Variants in ZFYVE27 observed in about 807,000 individuals in gnomAD.
ZFYVE27 encodes protrudin.
Under a neutral mutation model 52.8 loss-of-function variants are expected in ZFYVE27, and 36 were observed. The observed-to-expected ratio is 0.68, with a 90% CI of 0.52 to 0.90. ZFYVE27 has a LOEUF of 0.90. ZFYVE27 is among the 40% of genes least tolerant of loss of function. ZFYVE27 has a pLI of 0.00. For synonymous variants in ZFYVE27, 223 were observed against 215.6 expected, an observed-to-expected ratio of 1.03 and a Z score of -0.30; for missense variants, 450 against 527.2, an observed-to-expected ratio of 0.85 and a Z score of 1.43.
In ZFYVE27 at chr10:97,760,030, C is replaced by T. The variant is rs891192197; in HGVS notation, c.*730C>T. 3 of 154,166 alleles carry T rather than the reference C, an allele frequency of 1.9e-5. No individual in the cohort carries two copies. The highest frequency in any genetic ancestry group is 4.3e-5 in the Non-Finnish European group (3 of 69,366). 9.5% of individuals were successfully genotyped at this position (154,166 alleles called of 1,614,324 possible). A position where few individuals can be genotyped will look rare whatever the true frequency, so the allele number is the denominator to read the frequency against. ...TCGAAGACACCTCAATTCACAGACTCTCAGCCCACACAATGCCCCAGTGTC... is the reference window on the plus strand; with the variant it reads ...TCGAAGACACCTCAATTCACAGACTTTCAGCCCACACAATGCCCCAGTGTC... On this transcript the variant is annotated 3_prime_UTR_variant, in exon 13 of 13. Transcript: ENST00000684270.
intron 12 of ZFYVE27, among the ~76,000 whole-genome samples, chr10:97,758,346 G>A (rs989989323): frequency 4.9e-5 from 7 of 144,112 alleles, no homozygotes; most frequent in African/African-American, 1.8e-4. Flanking sequence ...TTTTTGAGAC[G>A]GAGTTTCACT....
chr10:97,746,151 C>T (rs1456030178), intron 4 of ZFYVE27, among the ~76,000 whole-genome samples: 15 of 150,304 alleles, frequency 1.0e-4, no homozygotes, highest in Middle Eastern at 6.9e-3. Flanking sequence ...TGTGTTCAGG[C>T]GATTCTCGTG....
chr10:97,747,447 A>G (rs1202932073), intron 4 of ZFYVE27, among the ~76,000 whole-genome samples: 4 of 152,216 alleles, frequency 2.6e-5, no homozygotes, highest in Non-Finnish European at 5.9e-5. Context: ...GTTTATTACT[A>G]TGATGGTTGC....
rs150264414 is a variant in ZFYVE27 at position 97,749,415 on chromosome 10, A to C, written c.552-59A>C. On this transcript the variant is annotated intron_variant, in intron 5 of 12. Coordinates refer to ENST00000684270, the MANE Select transcript of ZFYVE27 (RefSeq NM_001385875.1). Reference sequence around the variant, plus strand: ...TGGACCCTGCTGTGGGTGTGCTCCAAACCCGTCTCCTTCTGCTGTTACGAA... The same window carrying C: ...TGGACCCTGCTGTGGGTGTGCTCCACACCCGTCTCCTTCTGCTGTTACGAA... 7.6e-4 allele frequency: 1,040 copies of C among 1,359,716 alleles called. 4 individuals are homozygous for C. The African/African-American group carries it at 0.013, about 17-fold the overall frequency. 84.2% of individuals were successfully genotyped at this position (1,359,716 alleles called of 1,614,324 possible).
In ZFYVE27 at chr10:97,744,728, G is replaced by A. The variant is rs1285777076; in HGVS notation, c.269-1G>A. The A allele has an allele frequency of 6.2e-7, 1 of 1,613,340 alleles. No individual in the cohort carries two copies. The highest frequency in any genetic ancestry group is 1.3e-5 in the African/African-American group (1 of 74,936). The stretch of plus-strand genomic sequence containing the variant: ...TACCTGCAGTGTTTTTGATTCTGCA[G>A]GTGCATGGTACTCAGTAGGTGCCCT... On this transcript the variant is annotated splice_acceptor_variant, in intron 3 of 12. Transcript: ENST00000684270. LOFTEE classifies it high-confidence loss of function.
intron 2 of ZFYVE27, among the ~76,000 whole-genome samples, chr10:97,739,947 A>C (rs2043180432): frequency 6.7e-6 from 1 of 150,304 alleles, no homozygotes; most frequent in African/African-American, 2.5e-5. Context: ...ATCAGGAGTC[A>C]CACAAAAACC....
At chr10:97,743,066 G>A (rs80117547) in intron 2 of ZFYVE27, 28 bp from the exon 3 acceptor site, 1 of 1,613,254 alleles carries the variant, frequency 6.2e-7, no homozygotes, top group Non-Finnish European at 8.5e-7. Flanking sequence ...GTGACTCTCT[G>A]TAGTGATCAG....
chr10:97,751,071 A>G (rs913346788), intron 7 of ZFYVE27, among the ~76,000 whole-genome samples: 5 of 152,138 alleles, frequency 3.3e-5, no homozygotes, highest in African/African-American at 1.2e-4. Flanking sequence ...GATCATTCTC[A>G]TTTGTGGAAG....
chr10:97,750,449 G>A lies in ZFYVE27; in HGVS notation c.783G>A (p.Thr261=), dbSNP rs762621225. 28 of 1,613,986 alleles carry A rather than the reference G, an allele frequency of 1.7e-5. No homozygotes were observed. Among genetic ancestry groups the A allele is most frequent in the Middle Eastern group, 1.6e-4 (1 of 6,084 alleles). Residue 261 remains threonine (T), a synonymous_variant, in exon 7 of 13, where the codon ACG becomes ACA. Transcript: ENST00000684270. ...VGGKDGLMDS[T]PALTPTEDLT... Reference sequence around the variant, plus strand: ...GGAAGGATGGTCTGATGGACAGCACGCCTGCCCTCACACCCACGGAGGTAA... The same window carrying A: ...GGAAGGATGGTCTGATGGACAGCACACCTGCCCTCACACCCACGGAGGTAA...
intron 3 of ZFYVE27, among the ~76,000 whole-genome samples, chr10:97,744,379 C>T (rs1332994333): frequency 6.6e-6 from 1 of 152,240 alleles, no homozygotes; most frequent in African/African-American, 2.4e-5. Flanking sequence ...GGCAGTCACA[C>T]TCCAGCGTGA....
intron 5 of ZFYVE27, among the ~76,000 whole-genome samples, chr10:97,748,979 T>A (rs2046214833): frequency 6.6e-6 from 1 of 152,168 alleles, no homozygotes; most frequent in African/African-American, 2.4e-5. Context: ...TTAATATGAA[T>A]AATAGTGATA....
At chr10:97,738,927 C>T in intron 2 of ZFYVE27, 1 of 517,524 alleles carries the variant, frequency 1.9e-6, no homozygotes, top group Non-Finnish European at 3.5e-6. Flanking sequence ...TAAGCTCCTT[C>T]CTCTGGACTG....
chr10:97,751,291 T>G, intron 7 of ZFYVE27, 100 bp from the exon 8 acceptor site: 1 of 1,296,228 alleles, frequency 7.7e-7, no homozygotes, highest in Non-Finnish European at 1.1e-6. Flanking sequence ...CATTTCGTGG[T>G]GTTTTGGGTA....
chr10:97,758,328 T>TTG (rs2048923057), intron 12 of ZFYVE27, among the ~76,000 whole-genome samples: 1 of 151,266 alleles, frequency 6.6e-6, no homozygotes, highest in South Asian at 2.1e-4. Flanking sequence ...CAAGTTTTTT[T>TTG]TTTTTTTTTT....
Position 97,760,345 on chromosome 10 carries a change from A to C in ZFYVE27, c.*1045A>C, listed in dbSNP as rs139340617. The C allele has an allele frequency of 4.6e-5, 7 of 152,098 alleles. No homozygotes were observed. The highest frequency in any genetic ancestry group is 6.5e-5 in the Admixed American group (1 of 15,296). 9.4% of individuals were successfully genotyped at this position (152,098 alleles called of 1,614,324 possible). On this transcript the variant is annotated 3_prime_UTR_variant, in exon 13 of 13. Coordinates refer to ENST00000684270, the MANE Select transcript of ZFYVE27 (RefSeq NM_001385875.1). ...CCCTGGGGGTCTCCATTTCTTTCCA[A>C]CAGTTTCATGTTCACTACTGGACTC...
At chr10:97,748,070 A>C (rs368039596) in intron 4 of ZFYVE27, among the ~76,000 whole-genome samples, 199 bp from the exon 5 acceptor site, 1 of 152,186 alleles carries the variant, frequency 6.6e-6, no homozygotes, top group Admixed American at 6.5e-5. Flanking sequence ...AAGAGGCTCC[A>C]AAAAGGGGAC....
intron 12 of ZFYVE27, among the ~76,000 whole-genome samples, chr10:97,758,630 T>G (rs1590119985): frequency 6.6e-6 from 1 of 152,146 alleles, no homozygotes; most frequent in South Asian, 2.1e-4. Flanking sequence ...CCCAAGTTCT[T>G]TTTTCTTCCG....
chr10:97,758,444 C>G (rs180929576), intron 12 of ZFYVE27, among the ~76,000 whole-genome samples: 2 of 151,906 alleles, frequency 1.3e-5, no homozygotes, highest in African/African-American at 4.8e-5. Flanking sequence ...CTGCCTCAGC[C>G]TCCCGAGTAG....
At position 97,748,311 on chromosome 10, in the gene ZFYVE27, A is replaced by G. The variant is rs746374329; in HGVS notation, c.498A>G (p.Thr166=). 15 of 1,614,020 alleles carry G rather than the reference A, an allele frequency of 9.3e-6. No homozygotes were observed. Among genetic ancestry groups the G allele is most frequent in the Middle Eastern group, 1.6e-4 (1 of 6,084 alleles). ...CCTTCCTGAGCCGCCTGTGCTGCACATGTGAAGCCGCCTACCGCGTGCTGC... is the reference window on the plus strand; with the variant it reads ...CCTTCCTGAGCCGCCTGTGCTGCACGTGTGAAGCCGCCTACCGCGTGCTGC... ...LEAFLSRLCC[T]CEAAYRVLHW... The change falls in exon 5 of 13, where the codon ACA becomes ACG. Residue 166 remains threonine (T), a synonymous_variant. Transcript: ENST00000684270.
Sources: gnomAD v4.1 joint callset for allele counts (sites outside exome capture counted in the v4.1 genomes callset) on GRCh38, gnomAD v4.1.1 for gene constraint, MANE v1.5 for transcripts, NCBI Gene and HGNC (gene_info 2026-07-23, HGNC 2026-07-21) for gene names.